SHROOM3: variants seen among roughly 807,000 people sequenced by gnomAD.
The protein encoded by SHROOM3 is shroom family member 3.
SHROOM3 carries 47 observed loss-of-function variants against 138.6 expected under a neutral mutation model. That is an observed-to-expected ratio of 0.34 (90% CI 0.27 to 0.43). The LOEUF is 0.43. Among genes scored for constraint, SHROOM3 ranks in the 20% least tolerant of loss-of-function variants. The pLI, the probability that SHROOM3 is intolerant of heterozygous loss-of-function variation, is 1.00. For missense variants in SHROOM3, 2,491 were observed against 2,596.5 expected (o/e 0.96, Z 0.88); for synonymous variants, 1,062 against 1,063.3 (o/e 1.00, Z 0.02).
intron 2 of SHROOM3, among the ~76,000 whole-genome samples, chr4:76,675,749 A>C (rs959402642): frequency 6.6e-6 from 1 of 152,186 alleles, no homozygotes; most frequent in African/African-American, 2.4e-5. Flanking sequence ...TCACTTACTC[A>C]GGAGTCTGAG....
intron 5 of SHROOM3, among the ~76,000 whole-genome samples, chr4:76,747,842 A>T (rs191723355): frequency 2.6e-5 from 4 of 152,284 alleles, no homozygotes; most frequent in Admixed American, 2.6e-4. Flanking sequence ...CTGCCATTCA[A>T]CCTATAAAGA....
chr4:76,746,781 C>CATTATTATTATT (rs199823641), intron 5 of SHROOM3, among the ~76,000 whole-genome samples: 1 of 140,588 alleles, frequency 7.1e-6, no homozygotes, highest in Non-Finnish European at 1.5e-5. Flanking sequence ...TTTAGATTTA[C>CATTATTATTATT]ATTATTATTA....
Position 76,782,203 on chromosome 4 carries a change from G to A in SHROOM3, c.*3026G>A, listed in dbSNP as rs1011400051. The A allele has an allele frequency of 1.3e-5, 2 of 152,224 alleles. No homozygotes were observed. The highest frequency in any genetic ancestry group is 2.4e-5 in the African/African-American group (1 of 41,442). The allele number at this position is 152,224 out of a possible 1,614,324, so 9.4% of individuals were successfully genotyped here. On this transcript the variant is annotated 3_prime_UTR_variant, in exon 11 of 11. Transcript: ENST00000296043. Reference sequence around the variant, plus strand: ...GAGGATCCACAGTGAAAGTGCCTGAGTTTCTCTATGAGACCAGATGCTGTC... The same window carrying A: ...GAGGATCCACAGTGAAAGTGCCTGAATTTCTCTATGAGACCAGATGCTGTC...
chr4:76,670,476 G>A (rs1718846372), intron 2 of SHROOM3, among the ~76,000 whole-genome samples: 1 of 152,116 alleles, frequency 6.6e-6, no homozygotes. Context: ...TGGGGGTGAT[G>A]AAAATGTCCT....
At chr4:76,764,742 T>C (rs1722092740) in intron 9 of SHROOM3, among the ~76,000 whole-genome samples, 1 of 152,236 alleles carries the variant, frequency 6.6e-6, no homozygotes, top group African/African-American at 2.4e-5. Context: ...TCCTCCTGTA[T>C]GCAATGTGTT....
intron 4 of SHROOM3, among the ~76,000 whole-genome samples, chr4:76,734,733 C>T (rs190661785): frequency 6.6e-6 from 1 of 152,276 alleles, no homozygotes; most frequent in East Asian, 1.9e-4. Context: ...TATAAAAATA[C>T]ATACATCTAC....
At chr4:76,625,586 T>G (rs541024888) in intron 2 of SHROOM3, among the ~76,000 whole-genome samples, 1 of 151,982 alleles carries the variant, frequency 6.6e-6, no homozygotes, top group Admixed American at 6.5e-5. Context: ...TTACACACAA[T>G]ATAGGAAGTG....
intron 1 of SHROOM3, among the ~76,000 whole-genome samples, chr4:76,541,863 C>T (rs1733111396): frequency 6.6e-6 from 1 of 152,156 alleles, no homozygotes; most frequent in Non-Finnish European, 1.5e-5. Context: ...TCTGTCAATC[C>T]TGTTTGCTGA....
In SHROOM3 at chr4:76,754,786, C is replaced by T. The variant is rs1458001047; in HGVS notation, c.4303C>T (p.His1435Tyr). 4 of 1,614,162 alleles carry T rather than the reference C, an allele frequency of 2.5e-6. No individual in the cohort carries two copies. The highest frequency in any genetic ancestry group is 4.5e-5 in the East Asian group (2 of 44,886). ...WPPPSRAKWA[H>Y]AAREDSLPEE... ...ACCTCCTTCTCGAGCAAAGTGGGCC[C>T]ACGCAGCCAGAGAGGACAGCCTTCC... Residue 1435 changes from histidine to tyrosine, a missense_variant, in exon 7 of 11, where the codon CAC becomes TAC. Around this residue, in one of 4 missense-constraint regions of SHROOM3, gnomAD observed 1,733 missense variants for 1,661.6 expected, o/e 1.04. Transcript: ENST00000296043.
chr4:76,731,958 G>C (rs527408300), intron 4 of SHROOM3, among the ~76,000 whole-genome samples: 1 of 152,208 alleles, frequency 6.6e-6, no homozygotes, highest in Admixed American at 6.5e-5. Flanking sequence ...TTGTTGTATG[G>C]GTCAAGGTTT....
At chr4:76,466,251 C>T (rs1195859226) in intron 1 of SHROOM3, among the ~76,000 whole-genome samples, 4 of 152,154 alleles carry the variant, frequency 2.6e-5, no homozygotes, top group East Asian at 3.8e-4. Context: ...TCTTGTCTGA[C>T]CTAAGTGAAG....
chr4:76,654,463 A>T (rs1736023263), intron 2 of SHROOM3, among the ~76,000 whole-genome samples: 1 of 152,136 alleles, frequency 6.6e-6, no homozygotes, highest in Non-Finnish European at 1.5e-5. Context: ...AGTAGCTGGG[A>T]CTACAGGTGT....
At position 76,623,433 on chromosome 4, in the gene SHROOM3, A is replaced by G. The variant is rs539719527; in HGVS notation, c.323+67670A>G. On this transcript the variant is annotated intron_variant, in intron 2 of 10. Transcript: ENST00000296043. ...TCTGCCTGGTCACTTAACAGTTTATAAAACTTGACTCCTAGCTAGAAAGTT... is the reference window on the plus strand; with the variant it reads ...TCTGCCTGGTCACTTAACAGTTTATGAAACTTGACTCCTAGCTAGAAAGTT... Among the ~76,000 whole-genome samples, 10 of 152,344 alleles carry G rather than the reference A, an allele frequency of 6.6e-5. No homozygotes were observed. The East Asian group carries it at 1.9e-3, about 29-fold the overall frequency.
intron 2 of SHROOM3, among the ~76,000 whole-genome samples, chr4:76,638,199 A>G (rs1308874167): frequency 2.0e-5 from 3 of 152,198 alleles, no homozygotes; most frequent in Admixed American, 2.0e-4. Context: ...GATGTTGTAT[A>G]TTTATAACAG....
intron 2 of SHROOM3, among the ~76,000 whole-genome samples, chr4:76,583,122 G>A (rs1734082953): frequency 1.3e-5 from 2 of 152,216 alleles, no homozygotes; most frequent in Admixed American, 6.5e-5. Context: ...AGATGGGGCT[G>A]TGGGCAGGTC....
intron 7 of SHROOM3, 80 bp from the exon 8 acceptor site, chr4:76,756,369 C>T (rs377093525): frequency 6.6e-7 from 1 of 1,511,986 alleles, no homozygotes; most frequent in Non-Finnish European, 8.9e-7. Context: ...TCTTTCTCCA[C>T]CCTCTTATCA....
At chr4:76,526,099 G>A (rs1732683032) in intron 1 of SHROOM3, among the ~76,000 whole-genome samples, 1 of 152,188 alleles carries the variant, frequency 6.6e-6, no homozygotes, top group Non-Finnish European at 1.5e-5. Flanking sequence ...CAGGTGCGGT[G>A]GCTCATGCCT....
intron 1 of SHROOM3, among the ~76,000 whole-genome samples, chr4:76,537,538 C>A (rs1373621747): frequency 6.6e-6 from 1 of 152,136 alleles, no homozygotes; most frequent in Non-Finnish European, 1.5e-5. Context: ...AACAGGGACA[C>A]CAGTTAGGAT....
chr4:76,775,705 T>C (rs114330729), intron 10 of SHROOM3, among the ~76,000 whole-genome samples: 2,215 of 150,366 alleles, frequency 0.015, 18 homozygotes, highest in Middle Eastern at 0.024. Flanking sequence ...ATACATAACA[T>C]ATTTGTATAT....
Sources: allele counts gnomAD v4.1 joint callset (sites outside exome capture counted in the v4.1 genomes callset), GRCh38; gene constraint gnomAD v4.1.1; regional missense constraint gnomAD v4.1.1; transcripts MANE v1.5; gene names NCBI Gene and HGNC (gene_info 2026-07-23, HGNC 2026-07-21).